Variants in ZFHX3 observed in about 807,000 individuals in gnomAD.
ZFHX3 encodes zinc finger homeobox 3.
ZFHX3 carries 42 observed loss-of-function variants against 279.1 expected under a neutral mutation model. The ratio of observed to expected loss-of-function variants is 0.15; its 90% CI spans 0.12 to 0.19. The LOEUF (loss-of-function observed/expected upper bound fraction) is 0.19, where lower values mean the gene tolerates loss of function less well. Ranked by LOEUF, ZFHX3 falls within the 10% of genes least tolerant of loss-of-function variation. The pLI, the probability that ZFHX3 is intolerant of heterozygous loss-of-function variation, is 1.00. For missense variants in ZFHX3, 4,981 were observed against 4,754.0 expected, an observed-to-expected ratio of 1.05 and a Z score of -1.40; for synonymous variants, 2,293 against 1,957.8, an observed-to-expected ratio of 1.17 and a Z score of -4.52.
intron 3 of ZFHX3, among the ~76,000 whole-genome samples, chr16:73,419,488 T>C (rs542307076): frequency 2.4e-4 from 37 of 152,312 alleles, no homozygotes; most frequent in African/African-American, 7.2e-4. Context: ...CAGCTCAGCC[T>C]TTGATGCCTT....
At chr16:73,256,117 G>C (rs1009046440) in intron 5 of ZFHX3, among the ~76,000 whole-genome samples, 1 of 152,128 alleles carries the variant, frequency 6.6e-6, no homozygotes, top group Non-Finnish European at 1.5e-5. Context: ...GATCACGCTC[G>C]AACATCGTCT....
At chr16:73,346,769 G>C (rs535818809) in intron 3 of ZFHX3, among the ~76,000 whole-genome samples, 47 of 152,322 alleles carry the variant, frequency 3.1e-4, no homozygotes, top group African/African-American at 1.1e-3. Context: ...ACTGTGCCCA[G>C]TCTGTCATGC....
At chr16:73,105,372 T>C (rs58075893) in intron 7 of ZFHX3, among the ~76,000 whole-genome samples, 4,782 of 27,412 alleles carry the variant, frequency 0.17, 426 homozygotes, top group African/African-American at 0.32. Context: ...TATACACACA[T>C]ATATATATAT....
intron 2 of ZFHX3, among the ~76,000 whole-genome samples, chr16:73,629,325 A>G (rs9972766): frequency 0.96 from 146,322 of 152,140 alleles, 70,419 homozygotes; most frequent in East Asian, 1. Context: ...AAGTAAGCAG[A>G]GGAGTCTGAC....
chr16:73,757,230 G>A (rs1024852469), intron 1 of ZFHX3, among the ~76,000 whole-genome samples: 2 of 152,132 alleles, frequency 1.3e-5, no homozygotes, highest in Non-Finnish European at 2.9e-5. Flanking sequence ...AAGAGCAGAA[G>A]TCTGTCTATT....
intron 5 of ZFHX3, among the ~76,000 whole-genome samples, chr16:73,250,935 T>C (rs1223647844): frequency 6.6e-6 from 1 of 152,150 alleles, no homozygotes; most frequent in Non-Finnish European, 1.5e-5. Context: ...TCCTCCCTCC[T>C]ACATTTCATC....
chr16:73,323,066 C>T (rs192626233), intron 3 of ZFHX3, among the ~76,000 whole-genome samples: 1 of 152,238 alleles, frequency 6.6e-6, no homozygotes, highest in East Asian at 1.9e-4. Context: ...TACTCTCTGG[C>T]CTTTTACCAA....
chr16:73,159,971 C>T (rs1967188479), intron 5 of ZFHX3, among the ~76,000 whole-genome samples: 1 of 152,104 alleles, frequency 6.6e-6, no homozygotes, highest in Non-Finnish European at 1.5e-5. Context: ...CCATGTTGAC[C>T]AGGTGGGTCT....
At chr16:73,698,782 G>A (rs775368440) in intron 1 of ZFHX3, among the ~76,000 whole-genome samples, 6 of 152,156 alleles carry the variant, frequency 3.9e-5, no homozygotes, top group Non-Finnish European at 4.4e-5. Context: ...AAGGAGTCAC[G>A]ACAACTTAAT....
chr16:73,253,348 T>C (rs28491814), intron 5 of ZFHX3, among the ~76,000 whole-genome samples: 113,881 of 152,046 alleles, frequency 0.75, 43,396 homozygotes, highest in African/African-American at 0.89. Context: ...ATGAAATCAA[T>C]GGAAAGAGAA....
chr16:72,955,406 C>G (rs140743589), intron 2 of ZFHX3, among the ~76,000 whole-genome samples: 1 of 152,342 alleles, frequency 6.6e-6, no homozygotes, highest in Non-Finnish European at 1.5e-5. Flanking sequence ...CAAAGACTCA[C>G]AGACACTTGG....
At chr16:72,861,868 A>G (rs2037898896) in intron 4 of ZFHX3, among the ~76,000 whole-genome samples, 1 of 152,088 alleles carries the variant, frequency 6.6e-6, no homozygotes, top group Admixed American at 6.5e-5. Flanking sequence ...TACAAAAATT[A>G]GCCGGGTGTG....
chr16:72,991,960 A>G (rs529102717), intron 1 of ZFHX3, among the ~76,000 whole-genome samples: 4 of 152,350 alleles, frequency 2.6e-5, no homozygotes, highest in African/African-American at 4.8e-5. Flanking sequence ...ATTTGTGGTT[A>G]TAACGGAGGA....
At chr16:73,701,937 G>A (rs1206265724) in intron 1 of ZFHX3, among the ~76,000 whole-genome samples, 7 of 152,062 alleles carry the variant, frequency 4.6e-5, no homozygotes, top group African/African-American at 2.4e-5. Flanking sequence ...CGTAAAAAAA[G>A]CAAGGAGAAG....
In ZFHX3 at chr16:72,958,725, TCCTCCG is replaced by T. The variant is rs1185893665; in HGVS notation, c.1415_1420del (p.Ala472_Glu473del). On this transcript the variant is annotated inframe_deletion, in exon 2 of 10. Coordinates refer to ENST00000268489, the MANE Select transcript of ZFHX3 (RefSeq NM_006885.4). ...TTCCTCCTCCTCTTCTTCCTCCTCC[TCCTCCG>T]CCTCTTCCTCCTCCTCTTCCTCCTC... 6.2e-7 allele frequency: 1 copy of T among 1,613,166 alleles called. No homozygotes were observed. The highest frequency in any genetic ancestry group is 1.1e-5 in the South Asian group (1 of 90,984).
At chr16:73,794,915 G>A (rs1478485634) in intron 1 of ZFHX3, among the ~76,000 whole-genome samples, 2 of 152,194 alleles carry the variant, frequency 1.3e-5, no homozygotes. Flanking sequence ...AATGAAGGGA[G>A]ATGCCTCTGT....
At chr16:73,582,500 G>A (rs2051872647) in intron 2 of ZFHX3, among the ~76,000 whole-genome samples, 1 of 151,846 alleles carries the variant, frequency 6.6e-6, no homozygotes, top group Non-Finnish European at 1.5e-5. Flanking sequence ...TTGAGATGGA[G>A]TTTCACTCTT....
intron 4 of ZFHX3, among the ~76,000 whole-genome samples, chr16:72,861,734 G>A (rs932339721): frequency 3.3e-5 from 5 of 152,178 alleles, no homozygotes; most frequent in South Asian, 2.1e-4. Context: ...GATAGAACCC[G>A]CTGGGCATGG....
chr16:72,961,424 C>T (rs1007421296), intron 1 of ZFHX3, among the ~76,000 whole-genome samples: 2 of 152,208 alleles, frequency 1.3e-5, no homozygotes, highest in African/African-American at 4.8e-5. Flanking sequence ...GCGATCATTC[C>T]GTCTGGCCCT....
Sources: allele counts gnomAD v4.1 joint callset (sites outside exome capture counted in the v4.1 genomes callset), GRCh38; gene constraint gnomAD v4.1.1; transcripts MANE v1.5; gene names NCBI Gene and HGNC (gene_info 2026-07-23, HGNC 2026-07-21).